TUSC3: variants seen among roughly 807,000 people sequenced by gnomAD.
The protein encoded by TUSC3 is tumor suppressor candidate 3, also known as dolichyl-diphosphooligosaccharide--protein glycosyltransferase subunit TUSC3.
A neutral mutation model predicts 44.8 loss-of-function variants in TUSC3; 45 were observed. The ratio of observed to expected loss-of-function variants is 1.00; its 90% CI spans 0.79 to 1.29. TUSC3 has a LOEUF of 1.29. TUSC3 is among the 50% of genes most tolerant of loss of function. The pLI, the probability that TUSC3 is intolerant of heterozygous loss-of-function variation, is 0.00. For synonymous variants in TUSC3, 212 were observed against 152.9 expected (o/e 1.39, Z -2.85); for missense variants, 519 against 437.9 (o/e 1.19, Z -1.65).
chr8:15,840,138 A>G, the TUSC3 span, among the ~76,000 whole-genome samples: 1 of 152,164 alleles, frequency 6.6e-6, no homozygotes, highest in Non-Finnish European at 1.5e-5. Flanking sequence ...CAAAAAAACA[A>G]ACACCGCATA....
intron 1 of TUSC3, among the ~76,000 whole-genome samples, chr8:15,595,014 A>G (rs2129152112): frequency 6.6e-6 from 1 of 152,244 alleles, no homozygotes; most frequent in East Asian, 1.9e-4. Flanking sequence ...ACTCTGGGCT[A>G]AAGCTCTGAA....
intron 1 of TUSC3, among the ~76,000 whole-genome samples, chr8:15,588,746 G>C (rs1439311223): frequency 6.6e-6 from 1 of 152,062 alleles, no homozygotes; most frequent in East Asian, 1.9e-4. Context: ...GAGAGACAGG[G>C]TCCAGTTCAC....
the TUSC3 span, among the ~76,000 whole-genome samples, chr8:15,850,054 TC>T: frequency 6.6e-5 from 10 of 151,992 alleles, no homozygotes; most frequent in Non-Finnish European, 1.0e-4. Flanking sequence ...ACACCTGCTA[TC>T]TTGGTCCAAT....
chr8:15,588,199 G>T (rs972725382), intron 1 of TUSC3, among the ~76,000 whole-genome samples: 1 of 151,966 alleles, frequency 6.6e-6, no homozygotes, highest in Non-Finnish European at 1.5e-5. Context: ...TAAGAGTTCT[G>T]TTTTCTCCAC....
chr8:15,704,111 G>A (rs1020720359), intron 6 of TUSC3, among the ~76,000 whole-genome samples: 1 of 152,006 alleles, frequency 6.6e-6, no homozygotes, highest in East Asian at 1.9e-4. Context: ...TGAGGAGAAT[G>A]CTTTTTTATA....
At chr8:15,645,789 G>A (rs895275040) in intron 2 of TUSC3, among the ~76,000 whole-genome samples, 1 of 151,992 alleles carries the variant, frequency 6.6e-6, no homozygotes, top group Non-Finnish European at 1.5e-5. Context: ...ATAGTACACA[G>A]ATGTAAAATT....
chr8:15,553,327 C>T (rs569536973), intron 1 of TUSC3, among the ~76,000 whole-genome samples: 1 of 151,740 alleles, frequency 6.6e-6, no homozygotes, highest in South Asian at 2.1e-4. Context: ...GTTGCAAACC[C>T]CTCAAAGATA....
At position 15,577,926 on chromosome 8, in the gene TUSC3, C is replaced by T. The variant is rs191242584; in HGVS notation, c.138+37358C>T. Among the ~76,000 whole-genome samples, 11 of 150,764 alleles carry T rather than the reference C, an allele frequency of 7.3e-5. No individual in the cohort carries two copies. The South Asian group carries it at 1.5e-3, about 20-fold the overall frequency. On this transcript the variant is annotated intron_variant, in intron 1 of 10. Transcript: ENST00000503731. ...GGGCAGTACGGCCATTTTTATGATA[C>T]TGATTCTTCCTACCCATGAGCATGG...
intron 2 of TUSC3, among the ~76,000 whole-genome samples, chr8:15,523,639 C>CATATATATACAT (rs1801327261): frequency 1.6e-5 from 1 of 63,746 alleles, no homozygotes; most frequent in Non-Finnish European, 2.9e-5. Flanking sequence ...CCTTTAAAAA[C>CATATATATACAT]ATATATATAT....
At chr8:15,693,069 G>A (rs1808991731) in intron 6 of TUSC3, among the ~76,000 whole-genome samples, 1 of 152,176 alleles carries the variant, frequency 6.6e-6, no homozygotes, top group African/African-American at 2.4e-5. Flanking sequence ...AGATGGATCT[G>A]TTGAAGACAG....
chr8:15,737,266 A>G (rs1810976394), intron 7 of TUSC3, among the ~76,000 whole-genome samples: 1 of 152,130 alleles, frequency 6.6e-6, no homozygotes, highest in Non-Finnish European at 1.5e-5. Flanking sequence ...ATTTTTTTCA[A>G]CGTCTATTTA....
At chr8:15,829,478 T>C in the TUSC3 span, among the ~76,000 whole-genome samples, 1 of 152,158 alleles carries the variant, frequency 6.6e-6, no homozygotes, top group African/African-American at 2.4e-5. Flanking sequence ...CTCAGAGCAG[T>C]TTCGTTGCAT....
the TUSC3 span, among the ~76,000 whole-genome samples, chr8:15,772,443 G>C: frequency 6.6e-6 from 1 of 152,140 alleles, no homozygotes; most frequent in Non-Finnish European, 1.5e-5. Flanking sequence ...CATATTCCTA[G>C]AAACAACCAA....
At chr8:15,738,858 A>C (rs1321185419) in intron 7 of TUSC3, among the ~76,000 whole-genome samples, 1 of 37,050 alleles carries the variant, frequency 2.7e-5, no homozygotes, top group African/African-American at 1.0e-4. Context: ...TTTGAGAGGG[A>C]GTCTCACTCT....
chr8:15,572,394 A>G (rs560308599), intron 1 of TUSC3, among the ~76,000 whole-genome samples: 2 of 152,256 alleles, frequency 1.3e-5, no homozygotes, highest in South Asian at 4.1e-4. Context: ...GAAGAGACTT[A>G]GGGCCTTGTT....
At chr8:15,707,680 T>C (rs1038444293) in intron 6 of TUSC3, among the ~76,000 whole-genome samples, 19 of 151,882 alleles carry the variant, frequency 1.3e-4, no homozygotes, top group Non-Finnish European at 1.9e-4. Context: ...GAATGGGAAA[T>C]GGAAAAGCTC....
intron 1 of TUSC3, among the ~76,000 whole-genome samples, chr8:15,471,397 G>C (rs976787879): frequency 5.9e-5 from 9 of 152,250 alleles, no homozygotes; most frequent in Admixed American, 5.9e-4. Context: ...TAGAGCTGCA[G>C]TCTCCAAGGA....
chr8:15,656,188 C>T (rs1249785020), intron 3 of TUSC3, among the ~76,000 whole-genome samples: 6 of 152,076 alleles, frequency 3.9e-5, no homozygotes, highest in African/African-American at 1.4e-4. Context: ...GTCTTTCTCA[C>T]ACTCAGAATA....
chr8:15,602,170 G>T (rs1255921815), intron 1 of TUSC3, among the ~76,000 whole-genome samples: 1 of 151,536 alleles, frequency 6.6e-6, no homozygotes, highest in Admixed American at 6.6e-5. Context: ...TCTGAAAAAA[G>T]TCTGAAGTCC....
Sources: gnomAD v4.1 joint callset for allele counts (sites outside exome capture counted in the v4.1 genomes callset) on GRCh38, gnomAD v4.1.1 for gene constraint, MANE v1.5 for transcripts, NCBI Gene and HGNC (gene_info 2026-07-23, HGNC 2026-07-21) for gene names.